The following FAM184A variants were observed in gnomAD, a reference collection of about 807,000 sequenced individuals.
FAM184A encodes the protein family with sequence similarity 184 member A.
FAM184A carries 99 observed loss-of-function variants against 143.8 expected under a neutral mutation model. The observed-to-expected ratio is 0.69, with a 90% CI of 0.58 to 0.81. FAM184A has a LOEUF of 0.81. Ranked by LOEUF, FAM184A falls within the 40% of genes least tolerant of loss-of-function variation. The pLI is 0.00. For synonymous variants in FAM184A, 427 were observed against 446.4 expected (o/e 0.96, Z 0.55); for missense variants, 1,217 against 1,310.5 (o/e 0.93, Z 1.10).
At chr6:118,975,631 C>T (rs960730638) in intron 12 of FAM184A, among the ~76,000 whole-genome samples, 1 of 152,226 alleles carries the variant, frequency 6.6e-6, no homozygotes, top group Non-Finnish European at 1.5e-5. Flanking sequence ...CCTCCTAAAA[C>T]ACACACATCA....
At chr6:119,055,468 T>C (rs1786932830) in intron 1 of FAM184A, among the ~76,000 whole-genome samples, 1 of 152,212 alleles carries the variant, frequency 6.6e-6, no homozygotes. Flanking sequence ...TGCCAAACTG[T>C]TTACCAAAGT....
At chr6:119,032,302 A>T (rs1469818348) in intron 1 of FAM184A, among the ~76,000 whole-genome samples, 1 of 151,804 alleles carries the variant, frequency 6.6e-6, no homozygotes, top group East Asian at 1.9e-4. Context: ...AAATAAACCA[A>T]ATTTTTACCG....
chr6:119,123,632 G>C (rs969947810), intron 1 of FAM184A, among the ~76,000 whole-genome samples: 1 of 152,110 alleles, frequency 6.6e-6, no homozygotes, highest in African/African-American at 2.4e-5. Flanking sequence ...TCCCATCAGG[G>C]CCGAGAACTC....
intron 9 of FAM184A, among the ~76,000 whole-genome samples, chr6:118,989,154 G>A (rs1455262995): frequency 5.9e-5 from 9 of 151,620 alleles, no homozygotes; most frequent in Admixed American, 5.3e-4. Flanking sequence ...GTAGAGATGG[G>A]GTTTCACCAT....
In FAM184A at chr6:118,980,137, C is replaced by T. The variant is rs1219181202; in HGVS notation, c.2301+1G>A. The T allele has an allele frequency of 1.9e-6, 3 of 1,612,208 alleles. No individual in the cohort carries two copies. The highest frequency in any genetic ancestry group is 1.3e-5 in the African/African-American group (1 of 74,982). On this transcript the variant is annotated splice_donor_variant, in intron 10 of 17. Coordinates refer to ENST00000338891, the MANE Select transcript of FAM184A (RefSeq NM_024581.6). LOFTEE classifies it high-confidence loss of function. ...TTGAACGTATGTCACATAAAACTTA[C>T]TCTTTGCTCCTTTTCCTTTTCCTCT...
At chr6:118,999,848 G>C (rs1411448988) in intron 9 of FAM184A, among the ~76,000 whole-genome samples, 1 of 152,176 alleles carries the variant, frequency 6.6e-6, no homozygotes, top group African/African-American at 2.4e-5. Flanking sequence ...GCTATGATGA[G>C]CTGGTAGGAG....
intron 1 of FAM184A, among the ~76,000 whole-genome samples, chr6:119,060,716 C>G (rs963688599): frequency 5.3e-5 from 8 of 152,120 alleles, no homozygotes; most frequent in African/African-American, 1.7e-4. Flanking sequence ...CACCATCCCC[C>G]TCTTGGTACT....
intron 1 of FAM184A, among the ~76,000 whole-genome samples, chr6:119,135,906 G>C (rs1165801037): frequency 6.6e-6 from 1 of 151,600 alleles, no homozygotes; most frequent in Non-Finnish European, 1.5e-5. Context: ...AAATGTTTCA[G>C]AATAGAAATC....
At chr6:119,008,422 T>C (rs2114652706) in intron 6 of FAM184A, among the ~76,000 whole-genome samples, 1 of 152,314 alleles carries the variant, frequency 6.6e-6, no homozygotes, top group East Asian at 1.9e-4. Context: ...GCTCCACGTA[T>C]ACCTCAGGGA....
At chr6:119,142,739 C>T (rs566336730) in intron 1 of FAM184A, among the ~76,000 whole-genome samples, 3 of 152,224 alleles carry the variant, frequency 2.0e-5, no homozygotes, top group African/African-American at 7.2e-5. Context: ...TTGTGTCTCC[C>T]CGAAAGATAT....
At chr6:119,022,868 C>G in intron 3 of FAM184A, 77 bp downstream of exon 3, 3 of 1,574,650 alleles carry the variant, frequency 1.9e-6, no homozygotes, top group Non-Finnish European at 2.6e-6. Flanking sequence ...CAGAGCAAGA[C>G]TCTGTCTCCA....
intron 9 of FAM184A, among the ~76,000 whole-genome samples, chr6:118,995,380 C>T (rs1397735267): frequency 6.6e-6 from 1 of 152,148 alleles, no homozygotes; most frequent in East Asian, 1.9e-4. Context: ...GATTGTGCCA[C>T]TGCACTCCAG....
intron 9 of FAM184A, among the ~76,000 whole-genome samples, chr6:118,986,832 T>A (rs1784211765): frequency 6.6e-6 from 1 of 152,242 alleles, no homozygotes; most frequent in African/African-American, 2.4e-5. Context: ...ATGTCTATAT[T>A]GATATAGCTA....
At chr6:119,040,112 C>T (rs1786266910) in intron 1 of FAM184A, among the ~76,000 whole-genome samples, 1 of 152,168 alleles carries the variant, frequency 6.6e-6, no homozygotes, top group Non-Finnish European at 1.5e-5. Context: ...TCCAAGTGCA[C>T]CTTGTTCTAA....
chr6:118,971,622 T>C (rs1159529987), intron 14 of FAM184A, among the ~76,000 whole-genome samples: 1 of 152,196 alleles, frequency 6.6e-6, no homozygotes, highest in Non-Finnish European at 1.5e-5. Context: ...TTATTAGATA[T>C]AAAGTTTTTA....
In FAM184A at chr6:118,959,969, T is replaced by C. The variant is rs1783266619; in HGVS notation, c.*134A>G. Reference sequence around the variant, plus strand: ...CCAATAAATATCACAGGAAATACAGTGCATTTTCAAGTTGGAGAGACAAAT... The same window carrying C: ...CCAATAAATATCACAGGAAATACAGCGCATTTTCAAGTTGGAGAGACAAAT... On this transcript the variant is annotated 3_prime_UTR_variant, in exon 18 of 18. Coordinates refer to ENST00000338891, the MANE Select transcript of FAM184A (RefSeq NM_024581.6). 1.7e-6 allele frequency: 1 copy of C among 580,920 alleles called. No homozygotes were observed. Among genetic ancestry groups the C allele is most frequent in the Admixed American group, 3.4e-5 (1 of 29,850 alleles). 36.0% of individuals were successfully genotyped at this position (580,920 alleles called of 1,614,324 possible). A position where few individuals can be genotyped will look rare whatever the true frequency, so the allele number is the denominator to read the frequency against.
chr6:119,043,474 A>C (rs867207102), intron 1 of FAM184A, among the ~76,000 whole-genome samples: 2 of 152,294 alleles, frequency 1.3e-5, no homozygotes, highest in Middle Eastern at 6.8e-3. Flanking sequence ...CACAAGAAAA[A>C]CTGTTTACTG....
chr6:119,103,952 G>A (rs908137593), intron 1 of FAM184A, among the ~76,000 whole-genome samples: 32 of 150,386 alleles, frequency 2.1e-4, no homozygotes, highest in Admixed American at 6.7e-4. Context: ...AAAAAAAAGA[G>A]GAATGTTCAT....
At chr6:119,023,318 T>C (rs760881608) in intron 2 of FAM184A, among the ~76,000 whole-genome samples, 2 of 152,148 alleles carry the variant, frequency 1.3e-5, no homozygotes, top group Non-Finnish European at 2.9e-5. Context: ...ATTAAAAACA[T>C]GGCTATGAAA....
Sources: gnomAD v4.1 joint callset for allele counts (sites outside exome capture counted in the v4.1 genomes callset) on GRCh38, gnomAD v4.1.1 for gene constraint, MANE v1.5 for transcripts, NCBI Gene and HGNC (gene_info 2026-07-23, HGNC 2026-07-21) for gene names.